Variants in RBM41 observed in about 807,000 individuals in gnomAD.
RBM41 encodes the protein RNA binding motif protein 41.
In RBM41, 14 loss-of-function variants were observed where a neutral mutation model predicts 30.8. The observed-to-expected ratio is 0.45, with a 90% CI of 0.30 to 0.71. The LOEUF (loss-of-function observed/expected upper bound fraction) is 0.71, where lower values mean the gene tolerates loss of function less well. RBM41 is among the 30% of genes least tolerant of loss of function. RBM41 has a pLI of 0.08. For synonymous variants in RBM41, 120 were observed against 110.1 expected (o/e 1.09, Z -0.56); for missense variants, 276 against 326.3 (o/e 0.85, Z 1.19).
intron 5 of RBM41, among the ~76,000 whole-genome samples, chrX:107,092,474 G>A (rs1342010214): frequency 9.0e-6 from 1 of 111,489 alleles, no homozygotes; most frequent in Non-Finnish European, 1.9e-5. Context: ...CAGGCGTGGT[G>A]GCTCATGCCT....
At chrX:107,095,857 T>C (rs1184939323) in intron 5 of RBM41, among the ~76,000 whole-genome samples, 2 of 109,364 alleles carry the variant, frequency 1.8e-5, no homozygotes, top group African/African-American at 6.7e-5. Context: ...TAAACAAAAT[T>C]TTAAAAACAA....
the RBM41 span, among the ~76,000 whole-genome samples, chrX:107,053,695 T>C: frequency 1.8e-5 from 2 of 110,464 alleles, no homozygotes; most frequent in East Asian, 2.9e-4. Flanking sequence ...AACTAGTCCT[T>C]TGTAGGGGCT....
chrX:107,106,530 A>G (rs1405954866), intron 5 of RBM41, among the ~76,000 whole-genome samples: 1 of 111,619 alleles, frequency 9.0e-6, no homozygotes, highest in Non-Finnish European at 1.9e-5. Flanking sequence ...TATATACCCA[A>G]AGGATTATAA....
chrX:107,066,645 T>G lies in RBM41; in HGVS notation c.*882A>C. On this transcript the variant is annotated 3_prime_UTR_variant, in exon 8 of 8. Coordinates refer to ENST00000685964, the MANE Select transcript of RBM41 (RefSeq NM_001324242.2). ...AATGTTAAGTGTGGCTGTACAGGTC[T>G]GACTCCAGTTTGTACTACTTCCTCT... The G allele has an allele frequency of 7.3e-6, 5 of 682,005 alleles. No individual in the cohort carries two copies. Among genetic ancestry groups the G allele is most frequent in the Non-Finnish European group, 8.7e-6 (5 of 573,855 alleles). The allele number at this position is 682,005 out of a possible 1,213,427, so 56.2% of individuals were successfully genotyped here. A position where few individuals can be genotyped will look rare whatever the true frequency, so the allele number is the denominator to read the frequency against.
At chrX:107,095,773 G>A (rs1922919150) in intron 5 of RBM41, among the ~76,000 whole-genome samples, 1 of 111,239 alleles carries the variant, frequency 9.0e-6, no homozygotes, top group East Asian at 2.8e-4. Context: ...AGTGCTTTGA[G>A]AGGATGATGT....
chrX:107,054,845 G>C, the RBM41 span, among the ~76,000 whole-genome samples: 1 of 112,000 alleles, frequency 8.9e-6, no homozygotes, highest in East Asian at 2.8e-4. Flanking sequence ...CAAGGTTTCT[G>C]AACGGGTGGC....
In RBM41 at chrX:107,088,649, G is replaced by A. The variant is rs753031736; in HGVS notation, c.786C>T (p.Asp262=). The change falls in exon 6 of 8, where the codon GAC becomes GAT. Residue 262 remains aspartate (D), a synonymous_variant. Coordinates refer to ENST00000685964, the MANE Select transcript of RBM41 (RefSeq NM_001324242.2). ...TACCCTGTGCTGCCTGTTTTCCCTT[G>A]TCCTGGAGTAATGATGGGCTCTCAG... ...GTAESPSLLQ[D]KGKQAAQGKG... 1 of 1,211,261 alleles carries A rather than the reference G, an allele frequency of 8.3e-7. No individual in the cohort carries two copies. The highest frequency in any genetic ancestry group is 1.1e-6 in the Non-Finnish European group (1 of 895,319).
chrX:107,070,060 A>C (rs937077516), intron 6 of RBM41: 2 of 257,150 alleles, frequency 7.8e-6, no homozygotes, highest in Non-Finnish European at 1.4e-5. Flanking sequence ...GAATCCTTAA[A>C]TAGTTCAGGA....
At chrX:107,106,145 C>T (rs1780895408) in intron 5 of RBM41, among the ~76,000 whole-genome samples, 1 of 111,709 alleles carries the variant, frequency 9.0e-6, no homozygotes, top group African/African-American at 3.3e-5. Context: ...TATCCAGAAT[C>T]TACAAACAAC....
intron 6 of RBM41, among the ~76,000 whole-genome samples, chrX:107,076,690 T>G (rs1185233157): frequency 9.0e-6 from 1 of 111,179 alleles, no homozygotes; most frequent in Admixed American, 9.6e-5. Flanking sequence ...ACTTAAAAAT[T>G]TGTTAAGAGG....
intron 4 of RBM41, 99 bp downstream of exon 4, chrX:107,115,253 T>C (rs1474570539): frequency 2.2e-6 from 2 of 894,171 alleles, no homozygotes; most frequent in Admixed American, 5.3e-5. Flanking sequence ...ACAATTTGTC[T>C]TTCCCCTATT....
At chrX:107,085,555 A>G (rs938274785) in intron 6 of RBM41, among the ~76,000 whole-genome samples, 1 of 111,406 alleles carries the variant, frequency 9.0e-6, no homozygotes, top group African/African-American at 3.3e-5. Flanking sequence ...TAGAGTTCTT[A>G]TTGTTTCGTA....
chrX:107,057,496 G>T (rs1271274451), downstream of RBM41, among the ~76,000 whole-genome samples: 1 of 111,342 alleles, frequency 9.0e-6, no homozygotes, highest in Non-Finnish European at 1.9e-5. Flanking sequence ...ATTGGATTTG[G>T]AGAAGACACT....
intron 5 of RBM41, among the ~76,000 whole-genome samples, chrX:107,105,913 C>T (rs1475835955): frequency 8.1e-5 from 9 of 111,731 alleles, no homozygotes; most frequent in Non-Finnish European, 1.7e-4. Context: ...ACCATAAAAA[C>T]CCTAGAAGAA....
the RBM41 span, among the ~76,000 whole-genome samples, chrX:107,055,560 G>A: frequency 3.6e-5 from 4 of 112,250 alleles, no homozygotes; most frequent in East Asian, 2.8e-4. Context: ...TCCTGACCTC[G>A]TGATCTGCCC....
intron 5 of RBM41, among the ~76,000 whole-genome samples, chrX:107,091,389 A>C (rs1922529501): frequency 8.9e-6 from 1 of 112,320 alleles, no homozygotes; most frequent in African/African-American, 3.2e-5. Context: ...CAAATGTTTT[A>C]AAGTCACTAT....
intron 7 of RBM41, among the ~76,000 whole-genome samples, 196 bp from the exon 8 acceptor site, chrX:107,067,889 A>G (rs1375635305): frequency 2.7e-5 from 3 of 111,974 alleles, no homozygotes; most frequent in Non-Finnish European, 5.6e-5. Flanking sequence ...AATAATAACA[A>G]TAAAAACTCA....
chrX:107,099,628 A>C (rs1320796831), intron 5 of RBM41, among the ~76,000 whole-genome samples: 2 of 110,799 alleles, frequency 1.8e-5, no homozygotes, highest in African/African-American at 6.6e-5. Context: ...GAATGAAATT[A>C]AAACCACAAT....
chrX:107,103,683 C>G lies in RBM41; in HGVS notation c.595+9714G>C, dbSNP rs771674219. Among the ~76,000 whole-genome samples the G allele has an allele frequency of 9.8e-5, 11 of 111,688 alleles. 1 individual carries two copies. The highest frequency in any genetic ancestry group is 9.5e-4 in the Admixed American group (10 of 10,490). ...AGAAAGGGCAAACTATTGATACATACGACAATATGAATGAATCCCAAAAAC... is the reference window on the plus strand; with the variant it reads ...AGAAAGGGCAAACTATTGATACATAGGACAATATGAATGAATCCCAAAAAC... On this transcript the variant is annotated intron_variant, in intron 5 of 7. Coordinates refer to ENST00000685964, the MANE Select transcript of RBM41 (RefSeq NM_001324242.2).
Sources: allele counts gnomAD v4.1 joint callset (sites outside exome capture counted in the v4.1 genomes callset), GRCh38; gene constraint gnomAD v4.1.1; transcripts MANE v1.5; gene names NCBI Gene and HGNC (gene_info 2026-07-23, HGNC 2026-07-21).